The following PSMD1 variants were observed in gnomAD, a reference collection of about 807,000 sequenced individuals.
PSMD1 encodes proteasome 26S subunit, non-ATPase 1.
PSMD1 carries 18 observed loss-of-function variants against 119.0 expected under a neutral mutation model. The observed-to-expected ratio is 0.15, with a 90% CI of 0.10 to 0.22. The LOEUF (loss-of-function observed/expected upper bound fraction) is 0.22. PSMD1 is among the 10% of genes least tolerant of loss of function. The probability of loss-of-function intolerance (pLI) is 1.00; values close to 1 mark genes in which losing one functional copy is unlikely to be tolerated. For missense variants in PSMD1, 702 were observed against 1,158.5 expected (o/e 0.61, Z 5.72); for synonymous variants, 374 against 396.6 (o/e 0.94, Z 0.68).
At chr2:231,148,461 A>C (rs1696298134) in intron 18 of PSMD1, among the ~76,000 whole-genome samples, 1 of 152,236 alleles carries the variant, frequency 6.6e-6, no homozygotes. Context: ...TAATCATTCC[A>C]GGAACTGTTA....
intron 16 of PSMD1, among the ~76,000 whole-genome samples, chr2:231,095,991 A>C (rs1694713832): frequency 3.3e-5 from 5 of 152,138 alleles, no homozygotes; most frequent in Admixed American, 3.3e-4. Context: ...CCCAAGTTGG[A>C]TCTTGAGAGA....
chr2:231,079,998 C>A (rs1229312917), intron 11 of PSMD1, 143 bp from the exon 12 acceptor site: 3 of 661,664 alleles, frequency 4.5e-6, no homozygotes, highest in Non-Finnish European at 7.1e-6. Context: ...TTGAGTTATA[C>A]AATTATATGA....
intron 19 of PSMD1, among the ~76,000 whole-genome samples, chr2:231,160,308 A>C (rs147584530): frequency 4.5e-4 from 69 of 152,332 alleles, no homozygotes; most frequent in African/African-American, 1.6e-3. Flanking sequence ...CCATGGTTAC[A>C]GGGCTAGTTA....
At chr2:231,123,241 C>A (rs7607338) in intron 16 of PSMD1, among the ~76,000 whole-genome samples, 74,543 of 152,010 alleles carry the variant, frequency 0.49, 21,788 homozygotes, top group African/African-American at 0.81. Flanking sequence ...TTTAAAACTG[C>A]TGATCAACCA....
In PSMD1 at chr2:231,105,671, G is replaced by A. The variant is rs182444190; in HGVS notation, c.1883+18490G>A. Reference sequence around the variant, plus strand: ...AAGCTTTTAGATACGGATCTTGCAAGATGAACAACAGATTCTTTGTGCAAC... The same window carrying A: ...AAGCTTTTAGATACGGATCTTGCAAAATGAACAACAGATTCTTTGTGCAAC... On this transcript the variant is annotated intron_variant, in intron 16 of 24. Coordinates refer to ENST00000308696, the MANE Select transcript of PSMD1 (RefSeq NM_002807.4). Among the ~76,000 whole-genome samples, 226 of 152,176 alleles carry A rather than the reference G, an allele frequency of 1.5e-3. 1 individual carries two copies. The highest frequency in any genetic ancestry group is 5.3e-3 in the African/African-American group (220 of 41,540).
rs566662897 is a variant in PSMD1 at position 231,131,571 on chromosome 2, G to A, written c.1884-7165G>A. 5.9e-4 allele frequency among the ~76,000 whole-genome samples: 32 copies of A among 53,910 alleles called. 8 individuals are homozygous for A. Among genetic ancestry groups the A allele is most frequent in the African/African-American group, 2.7e-3 (8 of 2,964 alleles). The allele number at this position is 53,910 out of a possible 152,430, so 35.4% of individuals were successfully genotyped here. On this transcript the variant is annotated intron_variant, in intron 16 of 24. Coordinates refer to ENST00000308696, the MANE Select transcript of PSMD1 (RefSeq NM_002807.4). Reference sequence around the variant, plus strand: ...AGGTCAGGAGATCGAGACCATCCCGGCTAAAACGGTGAAACCCCGTCTCTA... The same window carrying A: ...AGGTCAGGAGATCGAGACCATCCCGACTAAAACGGTGAAACCCCGTCTCTA...
chr2:231,127,559 T>TAGCAGA (rs1695756183), intron 16 of PSMD1, among the ~76,000 whole-genome samples: 1 of 152,208 alleles, frequency 6.6e-6, no homozygotes, highest in Non-Finnish European at 1.5e-5. Flanking sequence ...TTCGCCATGT[T>TAGCAGA]GACCAGGATG....
chr2:231,123,619 T>G (rs1695630823), intron 16 of PSMD1: 1 of 1,614,006 alleles, frequency 6.2e-7, no homozygotes, highest in African/African-American at 1.3e-5. Context: ...ATTTCCCTGT[T>G]CCTCAACAAT....
intron 16 of PSMD1, among the ~76,000 whole-genome samples, chr2:231,097,433 T>G (rs764335844): frequency 1.6e-4 from 25 of 152,358 alleles, no homozygotes; most frequent in Non-Finnish European, 3.5e-4. Context: ...CAGTGTTGTT[T>G]GGGATAAAGG....
In PSMD1 at chr2:231,161,455, C is replaced by T; in HGVS notation, c.2334C>T (p.Phe778=). 6.2e-7 allele frequency: 1 copy of T among 1,614,094 alleles called. No individual in the cohort carries two copies. Among genetic ancestry groups the T allele is most frequent in the Non-Finnish European group, 8.5e-7 (1 of 1,180,020 alleles). Reference sequence around the variant, plus strand: ...GGTTCTGGTTTCCTCTTTCACACTTCCTGTCATTGGCTTATACCCCTACCT... The same window carrying T: ...GGTTCTGGTTTCCTCTTTCACACTTTCTGTCATTGGCTTATACCCCTACCT... ...QFWFWFPLSH[F]LSLAYTPTCV... The change falls in exon 20 of 25, where the codon TTC becomes TTT. Residue 778 remains phenylalanine (F), a synonymous_variant. Coordinates refer to ENST00000308696, the MANE Select transcript of PSMD1 (RefSeq NM_002807.4).
chr2:231,096,372 A>G (rs1313003302), intron 16 of PSMD1, among the ~76,000 whole-genome samples: 4 of 151,962 alleles, frequency 2.6e-5, no homozygotes, highest in Admixed American at 2.6e-4. Flanking sequence ...AAGGTAGGTG[A>G]TGGTTCCTCT....
chr2:231,100,695 AAC>A (rs1694843127), intron 16 of PSMD1, among the ~76,000 whole-genome samples: 2 of 152,220 alleles, frequency 1.3e-5, no homozygotes, highest in Non-Finnish European at 2.9e-5. Flanking sequence ...TATCTAACAC[AAC>A]AGTTTGCATT....
chr2:231,079,980 C>T (rs976921356), intron 11 of PSMD1, among the ~76,000 whole-genome samples, 161 bp from the exon 12 acceptor site: 3 of 151,360 alleles, frequency 2.0e-5, no homozygotes, highest in African/African-American at 7.3e-5. Flanking sequence ...AAAGGCTTGT[C>T]CTCTTGTTTG....
chr2:231,114,068 T>G, intron 16 of PSMD1: 1 of 700,340 alleles, frequency 1.4e-6, no homozygotes, highest in South Asian at 1.6e-5. Context: ...AATGTTTAAC[T>G]TCAGATAATG....
Position 231,072,183 on chromosome 2 carries a change from T to C in PSMD1, c.655-6T>C. 6.2e-7 allele frequency: 1 copy of C among 1,601,194 alleles called. No individual in the cohort carries two copies. ...ATTGAATAATTGTTCTTTATCTCCA[T>C]TTCAGTGCTTAATTTTCTTAGATGA... On this transcript the variant is annotated splice_polypyrimidine_tract_variant and splice_region_variant and intron_variant, in intron 6 of 24. Coordinates refer to ENST00000308696, the MANE Select transcript of PSMD1 (RefSeq NM_002807.4).
At chr2:231,058,693 C>G (rs1678416834) in intron 1 of PSMD1, among the ~76,000 whole-genome samples, 1 of 152,040 alleles carries the variant, frequency 6.6e-6, no homozygotes, top group Non-Finnish European at 1.5e-5. Flanking sequence ...CCCGCCTTGT[C>G]TTGTAGTACT....
chr2:231,082,808 A>G (rs1694342853), intron 12 of PSMD1, 75 bp from the exon 13 acceptor site: 3 of 1,095,282 alleles, frequency 2.7e-6, no homozygotes, highest in East Asian at 2.4e-5. Context: ...GTGAAACTGT[A>G]TTTTGAAATT....
At chr2:231,115,141 G>A (rs1266155956) in intron 16 of PSMD1, among the ~76,000 whole-genome samples, 4 of 151,222 alleles carry the variant, frequency 2.6e-5, no homozygotes, top group South Asian at 4.2e-4. Flanking sequence ...ATTGTTAACT[G>A]TTTAAAATTT....
intron 16 of PSMD1, among the ~76,000 whole-genome samples, chr2:231,092,794 A>C (rs867390885): frequency 6.6e-5 from 10 of 152,174 alleles, no homozygotes; most frequent in African/African-American, 1.7e-4. Context: ...TTAGCACAGG[A>C]AGGAATGTTG....
Sources: gnomAD v4.1 joint callset for allele counts (sites outside exome capture counted in the v4.1 genomes callset) on GRCh38, gnomAD v4.1.1 for gene constraint, MANE v1.5 for transcripts, NCBI Gene and HGNC (gene_info 2026-07-23, HGNC 2026-07-21) for gene names.